Variants in MERTK observed in about 807,000 individuals in gnomAD.
MERTK encodes the protein tyrosine-protein kinase Mer.
MERTK carries 69 observed loss-of-function variants against 99.3 expected under a neutral mutation model. The ratio of observed to expected loss-of-function variants is 0.70; its 90% CI spans 0.57 to 0.85. The LOEUF is 0.85. MERTK is among the 40% of genes least tolerant of loss of function. The pLI is 0.00. For synonymous variants in MERTK, 426 were observed against 467.6 expected (o/e 0.91, Z 1.15); for missense variants, 1,125 against 1,249.4 (o/e 0.90, Z 1.50).
At position 111,947,003 on chromosome 2, in the gene MERTK, G is replaced by C. The variant is rs35776963; in HGVS notation, c.584-391G>C. Among the ~76,000 whole-genome samples the C allele has an allele frequency of 1.3e-3, 199 of 152,142 alleles. 1 individual carries two copies. The highest frequency in any genetic ancestry group is 4.6e-3 in the African/African-American group (192 of 41,478). On this transcript the variant is annotated intron_variant, in intron 3 of 18. Transcript: ENST00000295408. ...ACTCTTGTTTGCCAAGGCTGGGCGC[G>C]GTGGCACGCCTGTAATCCCAGCACT...
chr2:112,013,521 C>A (rs1454480319), intron 15 of MERTK: 1 of 154,342 alleles, frequency 6.5e-6, no homozygotes, highest in African/African-American at 2.4e-5. Context: ...CAGTGGCTAA[C>A]CTTTCTCAAG....
At chr2:111,941,013 A>G (rs1684856889) in intron 2 of MERTK, 1 of 554,214 alleles carries the variant, frequency 1.8e-6, no homozygotes, top group South Asian at 1.6e-5. Context: ...GGTAGTCAAG[A>G]GCCGTCAGCT....
At chr2:111,943,536 C>CTAAAA (rs1031768005) in intron 2 of MERTK, among the ~76,000 whole-genome samples, 3 of 151,990 alleles carry the variant, frequency 2.0e-5, no homozygotes, top group Non-Finnish European at 2.9e-5. Context: ...GAGACCCCAT[C>CTAAAA]TAAAATAAAA....
intron 4 of MERTK, among the ~76,000 whole-genome samples, chr2:111,957,940 A>G (rs1391625767): frequency 1.3e-5 from 2 of 152,214 alleles, no homozygotes; most frequent in Admixed American, 6.5e-5. Context: ...TTGCTCCCTC[A>G]GCAATTCGGA....
At chr2:112,014,366 T>C (rs185731503) in intron 15 of MERTK, among the ~76,000 whole-genome samples, 11 of 152,050 alleles carry the variant, frequency 7.2e-5, no homozygotes, top group Non-Finnish European at 1.5e-4. Flanking sequence ...GGTTTCTCCA[T>C]GTTGGTCAGG....
chr2:111,941,835 C>T (rs568555381), intron 2 of MERTK, among the ~76,000 whole-genome samples: 1 of 152,334 alleles, frequency 6.6e-6, no homozygotes, highest in East Asian at 1.9e-4. Context: ...GACAAACTTC[C>T]GATTGAGTTC....
chr2:111,946,677 G>T (rs942313375), intron 3 of MERTK, among the ~76,000 whole-genome samples: 1 of 152,124 alleles, frequency 6.6e-6, no homozygotes, highest in Non-Finnish European at 1.5e-5. Context: ...GAATGTCTTC[G>T]TACCATGGAC....
chr2:111,905,130 G>A (rs1384324532), intron 1 of MERTK, among the ~76,000 whole-genome samples: 1 of 152,188 alleles, frequency 6.6e-6, no homozygotes, highest in Non-Finnish European at 1.5e-5. Context: ...CTCCCTCCTA[G>A]GCCTTACTTT....
chr2:111,943,538 A>G (rs956347973), intron 2 of MERTK, among the ~76,000 whole-genome samples: 2 of 152,058 alleles, frequency 1.3e-5, no homozygotes, highest in African/African-American at 4.8e-5. Flanking sequence ...GACCCCATCT[A>G]AAATAAAATA....
chr2:111,910,591 A>AGTGTGTGTGTGTGTGTGTGT (rs139430156), intron 1 of MERTK, among the ~76,000 whole-genome samples: 1 of 141,248 alleles, frequency 7.1e-6, no homozygotes, highest in Middle Eastern at 3.9e-3. Context: ...TTAAAAAAAA[A>AGTGTGTGTGTGTGTGTGTGT]GTGTGTGTGT....
chr2:111,965,115 A>G (rs1207109977), intron 4 of MERTK, 76 bp from the exon 5 acceptor site: 3 of 1,350,080 alleles, frequency 2.2e-6, no homozygotes, highest in African/African-American at 1.4e-5. Context: ...AAAATAATAC[A>G]AAGACAACCA....
At chr2:111,912,577 C>G (rs1684271122) in intron 1 of MERTK, among the ~76,000 whole-genome samples, 1 of 152,048 alleles carries the variant, frequency 6.6e-6, no homozygotes, top group Admixed American at 6.6e-5. Flanking sequence ...CAATTTCAGC[C>G]CCATTATATG....
In MERTK at chr2:112,003,885, G is replaced by T; in HGVS notation, c.1787-19G>T. The T allele has an allele frequency of 1.3e-6, 2 of 1,591,318 alleles. No individual in the cohort carries two copies. The highest frequency in any genetic ancestry group is 1.7e-6 in the Non-Finnish European group (2 of 1,159,518). The stretch of plus-strand genomic sequence containing the variant: ...AAGAGTTTGCACAGTGTCCATACAG[G>T]TGTTCTTTCACTTCACAGGAGAGTT... On this transcript the variant is annotated intron_variant, in intron 12 of 18. Coordinates refer to ENST00000295408, the MANE Select transcript of MERTK (RefSeq NM_006343.3).
chr2:111,957,510 C>T (rs2104714310), intron 4 of MERTK, among the ~76,000 whole-genome samples: 1 of 152,268 alleles, frequency 6.6e-6, no homozygotes. Flanking sequence ...CCCCACCCAT[C>T]CTGACCCTCT....
At chr2:111,983,650 G>A (rs919280822) in intron 8 of MERTK, among the ~76,000 whole-genome samples, 3 of 152,238 alleles carry the variant, frequency 2.0e-5, no homozygotes. Context: ...GCAATGTGAT[G>A]TACCCACTTG....
intron 8 of MERTK, among the ~76,000 whole-genome samples, chr2:111,992,750 CAAAAAAAA>C: frequency 9.6e-6 from 1 of 104,658 alleles, no homozygotes; most frequent in Middle Eastern, 4.5e-3. Flanking sequence ...GACTCCGTCT[CAAAAAAAA>C]AAAAAAAAGA....
chr2:111,952,846 T>A (rs1685082370), intron 4 of MERTK, among the ~76,000 whole-genome samples: 1 of 152,216 alleles, frequency 6.6e-6, no homozygotes, highest in African/African-American at 2.4e-5. Context: ...AAGTTGGCAA[T>A]CTTTTTAGTG....
At chr2:111,921,844 C>T (rs998232428) in intron 1 of MERTK, among the ~76,000 whole-genome samples, 8 of 152,146 alleles carry the variant, frequency 5.3e-5, no homozygotes, top group Admixed American at 2.6e-4. Context: ...CCTCCCGCTT[C>T]GGCCTCCCAA....
At chr2:111,899,075 G>A (rs7604403) in intron 1 of MERTK, among the ~76,000 whole-genome samples, 35,048 of 152,206 alleles carry the variant, frequency 0.23, 4,364 homozygotes, top group Middle Eastern at 0.37. Context: ...CCTCTTCACC[G>A]CAGAGGAGGA....
Sources: allele counts gnomAD v4.1 joint callset (sites outside exome capture counted in the v4.1 genomes callset), GRCh38; gene constraint gnomAD v4.1.1; transcripts MANE v1.5; gene names NCBI Gene and HGNC (gene_info 2026-07-23, HGNC 2026-07-21).